The following FRMD3 variants were observed in gnomAD, a reference collection of about 807,000 sequenced individuals.
FRMD3 encodes FERM domain-containing protein 3.
A neutral mutation model predicts 70.2 loss-of-function variants in FRMD3; 33 were observed. The observed-to-expected ratio is 0.47, with a 90% CI of 0.36 to 0.63. The LOEUF is 0.63. FRMD3 is among the 20% of genes least tolerant of loss of function. FRMD3 has a pLI of 0.00. For missense variants in FRMD3, 632 were observed against 711.4 expected, an observed-to-expected ratio of 0.89 and a Z score of 1.27; for synonymous variants, 279 against 255.9, an observed-to-expected ratio of 1.09 and a Z score of -0.86.
At chr9:83,272,831 G>A (rs1294186265) in intron 13 of FRMD3, among the ~76,000 whole-genome samples, 74 of 124,296 alleles carry the variant, frequency 6.0e-4, no homozygotes, top group Non-Finnish European at 8.2e-4. Flanking sequence ...GCCCGGCCAC[G>A]ACCCCATCTG....
intron 1 of FRMD3, among the ~76,000 whole-genome samples, chr9:83,479,667 GGAAGGAAAGAAAGAAA>G (rs1490200841): frequency 6.6e-4 from 26 of 39,314 alleles, no homozygotes; most frequent in South Asian, 1.9e-3. Flanking sequence ...AAGGAAGGAA[GGAAGGAAAGAAAGAAA>G]GAAAGAAAGA....
intron 1 of FRMD3, among the ~76,000 whole-genome samples, chr9:83,414,973 T>A (rs146251751): frequency 1.3e-5 from 2 of 152,188 alleles, no homozygotes; most frequent in Non-Finnish European, 2.9e-5. Flanking sequence ...CCAGAGGTGA[T>A]CAAGAACCAG....
intron 6 of FRMD3, among the ~76,000 whole-genome samples, chr9:83,314,264 T>C (rs11794508): frequency 0.19 from 29,256 of 151,994 alleles, 3,015 homozygotes; most frequent in African/African-American, 0.26. Context: ...GTCCTAGCAC[T>C]GTCCTGCGAG....
intron 13 of FRMD3, among the ~76,000 whole-genome samples, chr9:83,269,534 C>G (rs527328498): frequency 6.6e-6 from 1 of 152,026 alleles, no homozygotes; most frequent in South Asian, 2.1e-4. Flanking sequence ...TGGTGAAACC[C>G]CATCTCTATT....
chr9:83,419,002 G>A (rs1377117515), intron 1 of FRMD3, among the ~76,000 whole-genome samples: 1 of 152,174 alleles, frequency 6.6e-6, no homozygotes, highest in Non-Finnish European at 1.5e-5. Flanking sequence ...GGATGGAGCT[G>A]GAGGCCATTA....
chr9:83,535,990 G>A (rs1365027109), intron 1 of FRMD3, among the ~76,000 whole-genome samples: 5 of 152,110 alleles, frequency 3.3e-5, no homozygotes, highest in Non-Finnish European at 7.4e-5. Context: ...CCTGATACCC[G>A]GAAGGGCAAT....
intron 1 of FRMD3, among the ~76,000 whole-genome samples, chr9:83,514,726 C>G (rs1440399238): frequency 6.6e-6 from 1 of 152,208 alleles, no homozygotes. Context: ...TGGCTGGCAT[C>G]TGGCAGATGC....
chr9:83,493,137 C>T (rs1212277183), intron 1 of FRMD3, among the ~76,000 whole-genome samples: 1 of 152,166 alleles, frequency 6.6e-6, no homozygotes, highest in Non-Finnish European at 1.5e-5. Context: ...AAAACCCACA[C>T]ACATACCTTC....
chr9:83,247,363 G>A lies in FRMD3; in HGVS notation c.*555C>T, dbSNP rs1264497793. ...TGCATTAGTCTTACAATCTGTACAT[G>A]TAAATAACTCCAGGAGGCTTCTTTT... On this transcript the variant is annotated 3_prime_UTR_variant, in exon 14 of 14. Coordinates refer to ENST00000304195, the MANE Select transcript of FRMD3 (RefSeq NM_174938.6). The A allele has an allele frequency of 6.2e-6, 6 of 971,620 alleles. No homozygotes were observed. In the East Asian group the frequency reaches 7.2e-4, roughly 116 times the overall value. 60.2% of individuals were successfully genotyped at this position (971,620 alleles called of 1,614,324 possible).
intron 5 of FRMD3, among the ~76,000 whole-genome samples, chr9:83,339,083 A>G (rs1823672424): frequency 1.3e-5 from 2 of 152,194 alleles, no homozygotes; most frequent in African/African-American, 4.8e-5. Context: ...GAGGGAGGGC[A>G]TCGTTTTTCA....
intron 3 of FRMD3, among the ~76,000 whole-genome samples, chr9:83,351,890 T>C (rs1489324758): frequency 6.6e-6 from 1 of 152,190 alleles, no homozygotes; most frequent in Non-Finnish European, 1.5e-5. Flanking sequence ...CACACAAATA[T>C]ATGCCAACAT....
intron 1 of FRMD3, among the ~76,000 whole-genome samples, chr9:83,503,830 C>T (rs2131517131): frequency 6.6e-6 from 1 of 152,316 alleles, no homozygotes; most frequent in South Asian, 2.1e-4. Context: ...CTGAGGAAAG[C>T]AGCACCACAG....
chr9:83,360,733 G>A (rs1423833076), intron 3 of FRMD3, among the ~76,000 whole-genome samples: 2 of 152,188 alleles, frequency 1.3e-5, no homozygotes, highest in Non-Finnish European at 2.9e-5. Context: ...TCAAAATGAT[G>A]TCAGTGTTGC....
At chr9:83,577,602 C>T in the FRMD3 span, among the ~76,000 whole-genome samples, 12 of 152,042 alleles carry the variant, frequency 7.9e-5, no homozygotes, top group Admixed American at 3.9e-4. Context: ...TAAAACTCTT[C>T]GGAGAAAACA....
At chr9:83,304,865 G>A (rs1835062987) in intron 10 of FRMD3, among the ~76,000 whole-genome samples, 1 of 152,216 alleles carries the variant, frequency 6.6e-6, no homozygotes, top group African/African-American at 2.4e-5. Flanking sequence ...ATAAGTCTGT[G>A]TTGGAGATCC....
chr9:83,392,599 C>T (rs551449485), intron 1 of FRMD3, among the ~76,000 whole-genome samples: 1 of 152,260 alleles, frequency 6.6e-6, no homozygotes, highest in South Asian at 2.1e-4. Flanking sequence ...TAAACCAGTG[C>T]CTGGCATGCT....
chr9:83,485,573 T>C (rs1017817090), intron 1 of FRMD3, among the ~76,000 whole-genome samples: 5 of 152,216 alleles, frequency 3.3e-5, no homozygotes, highest in Non-Finnish European at 7.3e-5. Context: ...CCCTTGGGTT[T>C]CTGGTACAAC....
intron 3 of FRMD3, 44 bp from the exon 4 acceptor site, chr9:83,349,801 C>CCATGGCCT (rs1824085667): frequency 6.8e-7 from 1 of 1,464,630 alleles, no homozygotes. Context: ...CAGCAAAAGA[C>CCATGGCCT]CATGGCCTCA....
chr9:83,342,927 G>C (rs1238035531), intron 5 of FRMD3, among the ~76,000 whole-genome samples: 5 of 152,138 alleles, frequency 3.3e-5, no homozygotes, highest in African/African-American at 1.2e-4. Flanking sequence ...CTTTGAAAGA[G>C]AGCTTTTGAC....
Sources: gnomAD v4.1 joint callset for allele counts (sites outside exome capture counted in the v4.1 genomes callset) on GRCh38, gnomAD v4.1.1 for gene constraint, MANE v1.5 for transcripts, NCBI Gene and HGNC (gene_info 2026-07-23, HGNC 2026-07-21) for gene names.